LONP1: variants seen among roughly 807,000 people sequenced by gnomAD.
The protein encoded by LONP1 is lon protease homolog, mitochondrial.
In LONP1, 31 loss-of-function variants were observed where a neutral mutation model predicts 98.5. The observed-to-expected ratio is 0.31, with a 90% CI of 0.24 to 0.42. LONP1 has a LOEUF of 0.42. LONP1 is among the 20% of genes least tolerant of loss of function. The pLI, the probability that LONP1 is intolerant of heterozygous loss-of-function variation, is 1.00. For synonymous variants in LONP1, 781 were observed against 594.7 expected, an observed-to-expected ratio of 1.31 and a Z score of -4.56; for missense variants, 1,336 against 1,350.6, an observed-to-expected ratio of 0.99 and a Z score of 0.17.
intron 6 of LONP1, 136 bp downstream of exon 6, chr19:5,707,561 T>C: frequency 1.2e-6 from 1 of 853,036 alleles, no homozygotes; most frequent in Middle Eastern, 3.3e-4. Context: ...TGGGTGTGGA[T>C]GGTGCACGGT....
chr19:5,700,101 G>C (rs956786371), intron 9 of LONP1, among the ~76,000 whole-genome samples: 3 of 151,606 alleles, frequency 2.0e-5, no homozygotes, highest in African/African-American at 7.3e-5. Context: ...ATCACACCAG[G>C]CTAATTAAAA....
chr19:5,706,067 G>A, intron 7 of LONP1, 75 bp from the exon 8 acceptor site: 1 of 941,570 alleles, frequency 1.1e-6, no homozygotes, highest in Non-Finnish European at 1.7e-6. Flanking sequence ...AGACGAAGGG[G>A]GACCCTCTGC....
intron 7 of LONP1, 122 bp downstream of exon 7, chr19:5,706,938 G>C (rs1365773540): frequency 2.7e-6 from 2 of 748,594 alleles, no homozygotes; most frequent in Middle Eastern, 3.7e-4. Context: ...AACCCAGACA[G>C]GCCTTCTTGG....
chr19:5,708,818 CCTGG>C (rs1185236383), intron 4 of LONP1: 3 of 161,898 alleles, frequency 1.9e-5, no homozygotes, highest in African/African-American at 7.2e-5. Context: ...TCGAGACCCT[CCTGG>C]CTAACACAGT....
At chr19:5,695,259 G>T (rs1379650074) in intron 13 of LONP1, among the ~76,000 whole-genome samples, 6 of 152,252 alleles carry the variant, frequency 3.9e-5, no homozygotes, top group Non-Finnish European at 7.4e-5. Context: ...ACATGAGGAA[G>T]GGGACTGGGT....
Position 5,696,530 on chromosome 19 carries a change from G to A in LONP1, c.1773+140C>T, listed in dbSNP as rs1302525431. The A allele has an allele frequency of 1.5e-5, 19 of 1,284,932 alleles. 1 individual carries two copies. In the East Asian group the frequency reaches 3.9e-4, roughly 26 times the overall value. The allele number at this position is 1,284,932 out of a possible 1,614,324, so 79.6% of individuals were successfully genotyped here. A position where few individuals can be genotyped will look rare whatever the true frequency, so the allele number is the denominator to read the frequency against. ...TGCTGGGCGTGGCTGTGGGTGGGAG[G>A]GACCCGTCCGTGCCATCAGGGCCAG... On this transcript the variant is annotated intron_variant, in intron 11 of 17. Coordinates refer to ENST00000360614, the MANE Select transcript of LONP1 (RefSeq NM_004793.4).
intron 11 of LONP1, 136 bp downstream of exon 11, chr19:5,696,534 C>G: frequency 7.8e-7 from 1 of 1,277,024 alleles, no homozygotes; most frequent in South Asian, 1.4e-5. Flanking sequence ...TGGGAGGGAC[C>G]CGTCCGTGCC....
rs908843958 is a variant in LONP1, at chr19:5,713,240, C to T, written c.532G>A (p.Val178Met). 1.2e-6 allele frequency: 2 copies of T among 1,612,992 alleles called. No individual in the cohort carries two copies. Among genetic ancestry groups the T allele is most frequent in the African/African-American group, 1.3e-5 (1 of 74,884 alleles). The change falls in exon 3 of 18, where the codon GTG becomes ATG. Residue 178 changes from valine to methionine, a missense_variant. Transcript: ENST00000360614. ...LKRDDSNESDVVESLDEIYHT... is the reference protein window; with the variant it reads ...LKRDDSNESDMVESLDEIYHT... ...TAGATTTCATCCAGGCTCTCGACCA[C>T]ATCCGACTCATTGCTGTGGGAGAAG...
chr19:5,703,488 T>C (rs560169655), intron 8 of LONP1, among the ~76,000 whole-genome samples: 1 of 152,128 alleles, frequency 6.6e-6, no homozygotes, highest in African/African-American at 2.4e-5. Context: ...GCGGCCACTA[T>C]GGGCCAGGAG....
At chr19:5,695,882 G>T (rs1176283817) in intron 13 of LONP1, among the ~76,000 whole-genome samples, 172 bp downstream of exon 13, 1 of 152,164 alleles carries the variant, frequency 6.6e-6, no homozygotes, top group Non-Finnish European at 1.5e-5. Flanking sequence ...CGCGCCACCT[G>T]CAGCTGCTCG....
Position 5,696,298 on chromosome 19 carries a change from T to C in LONP1, c.1847A>G (p.Asn616Ser), listed in dbSNP as rs200839886. ...CAGGTAGTGGTCCAGGAAGTTGGCA[T>C]TCTGCTCTGGGTCCAGCAGCTCCAG... ...ALLELLDPEQ[N>S]ANFLDHYLDV... The change falls in exon 12 of 18, where the codon AAT becomes AGT. Residue 616 changes from asparagine to serine, a missense_variant. Coordinates refer to ENST00000360614, the MANE Select transcript of LONP1 (RefSeq NM_004793.4). The C allele has an allele frequency of 1.2e-6, 2 of 1,613,398 alleles. No individual in the cohort carries two copies. Among genetic ancestry groups the C allele is most frequent in the Admixed American group, 3.3e-5 (2 of 60,016 alleles).
chr19:5,708,287 C>T, intron 5 of LONP1, 55 bp downstream of exon 5: 1 of 1,563,304 alleles, frequency 6.4e-7, no homozygotes, highest in Non-Finnish European at 8.7e-7. Context: ...CACCCAGCTG[C>T]AGAAAGAGCT....
At chr19:5,693,509 C>G (rs1243302480) in intron 16 of LONP1, 43 bp downstream of exon 16, 8 of 1,612,486 alleles carry the variant, frequency 5.0e-6, no homozygotes, top group Non-Finnish European at 6.8e-6. Flanking sequence ...GCCAGCAGCC[C>G]AGGGACTGGG....
chr19:5,708,468 G>GGGGGGGGCC, intron 4 of LONP1, 65 bp from the exon 5 acceptor site: 1 of 551,266 alleles, frequency 1.8e-6, no homozygotes, highest in East Asian at 4.7e-5. Flanking sequence ...GGCTGGGTGG[G>GGGGGGGGCC]AGCATGGCCC....
chr19:5,719,395 C>A (rs1430821639), intron 1 of LONP1, among the ~76,000 whole-genome samples: 1 of 152,232 alleles, frequency 6.6e-6, no homozygotes, highest in Non-Finnish European at 1.5e-5. Context: ...AGAAAACTAA[C>A]AGCGCCGTAA....
Position 5,694,447 on chromosome 19 carries a change from C to T in LONP1, c.2260G>A (p.Glu754Lys). 1 of 1,613,526 alleles carries T rather than the reference C, an allele frequency of 6.2e-7. No homozygotes were observed. ...DFVGKPVFTV[E>K]RMYDVTPPGV... ...GGCGGTGTCACGTCATACATGCGCTCCACGGTGAACACGGGCTTCCCCACG... is the reference window on the plus strand; with the variant it reads ...GGCGGTGTCACGTCATACATGCGCTTCACGGTGAACACGGGCTTCCCCACG... Residue 754 changes from glutamate (E) to lysine (K), a missense_variant, in exon 15 of 18, where the codon GAG becomes AAG. Glu to Lys is a moderately conservative substitution (Grantham distance 56, BLOSUM62 1). Coordinates refer to ENST00000360614, the MANE Select transcript of LONP1 (RefSeq NM_004793.4).
Position 5,694,797 on chromosome 19 carries a change from C to T in LONP1, c.2118G>A (p.Glu706=). ...LTLLIKQYCR[E]SGVRNLQKQV... is the part of the protein sequence containing the mutation. ...GCTTCTGCAGGTTGCGGACACCGCT[C>T]TCGCGGCAGTACTGCTTGATGAGCA... Residue 706 remains glutamate (E), a synonymous_variant, in exon 14 of 18, where the codon GAG becomes GAA. Coordinates refer to ENST00000360614, the MANE Select transcript of LONP1 (RefSeq NM_004793.4). The T allele has an allele frequency of 1.3e-6, 2 of 1,594,682 alleles. No individual in the cohort carries two copies. Among genetic ancestry groups the T allele is most frequent in the Non-Finnish European group, 1.7e-6 (2 of 1,164,748 alleles).
intron 8 of LONP1, among the ~76,000 whole-genome samples, chr19:5,701,306 TCTGC>T (rs2055037798): frequency 6.8e-6 from 1 of 147,902 alleles, no homozygotes; most frequent in Admixed American, 7.4e-5. Context: ...TGCTTCTGCC[TCTGC>T]CTCTGCCCTC....
intron 10 of LONP1, among the ~76,000 whole-genome samples, chr19:5,697,675 G>A (rs899560522): frequency 2.0e-5 from 3 of 151,836 alleles, no homozygotes; most frequent in African/African-American, 4.8e-5. Flanking sequence ...GAACGTGGGA[G>A]CCCTGGAGAG....
Sources: allele counts gnomAD v4.1 joint callset (sites outside exome capture counted in the v4.1 genomes callset), GRCh38; gene constraint gnomAD v4.1.1; transcripts MANE v1.5; gene names NCBI Gene and HGNC (gene_info 2026-07-23, HGNC 2026-07-21).